CTNNA3: variants seen among roughly 807,000 people sequenced by gnomAD.
The protein encoded by CTNNA3 is catenin alpha 3.
In CTNNA3, 76 loss-of-function variants were observed where a neutral mutation model predicts 95.7. The observed-to-expected ratio is 0.79, with a 90% CI of 0.66 to 0.96. The LOEUF (loss-of-function observed/expected upper bound fraction) is 0.96. CTNNA3 is among the 40% of genes least tolerant of loss of function. The pLI is 0.00. For synonymous variants in CTNNA3, 431 were observed against 374.4 expected (o/e 1.15, Z -1.74); for missense variants, 1,191 against 1,089.8 (o/e 1.09, Z -1.31).
Position 67,143,425 on chromosome 10 carries a change from TA to T in CTNNA3, c.1047+36891del, listed in dbSNP as rs61603392. On this transcript the variant is annotated intron_variant, in intron 7 of 17. Transcript: ENST00000433211. ...TGGGTGACTGAGCAAGGCTCTGTCT[TA>T]AAAAAAAAAAAAAAAAAAAAATTAT... Among the ~76,000 whole-genome samples, 568 of 75,978 alleles carry T rather than the reference TA, an allele frequency of 7.5e-3. 26 individuals are homozygous for T. The highest frequency in any genetic ancestry group is 0.01 in the East Asian group (31 of 2,972). 49.8% of individuals were successfully genotyped at this position (75,978 alleles called of 152,430 possible).
Position 66,069,500 on chromosome 10 carries a change from T to C in CTNNA3, c.1978-11A>G, listed in dbSNP as rs369905481. Reference sequence around the variant, plus strand: ...TTGAGTCATCTTAGCCTAAAACATGTGATAATTAGAGTTAAAATCATTCCA... The same window carrying C: ...TTGAGTCATCTTAGCCTAAAACATGCGATAATTAGAGTTAAAATCATTCCA... On this transcript the variant is annotated splice_polypyrimidine_tract_variant and intron_variant, in intron 14 of 17. Coordinates refer to ENST00000433211, the MANE Select transcript of CTNNA3 (RefSeq NM_013266.4). The C allele has an allele frequency of 5.7e-6, 9 of 1,591,968 alleles. No individual in the cohort carries two copies. The highest frequency in any genetic ancestry group is 1.1e-5 in the South Asian group (1 of 87,738).
At chr10:66,040,737 T>A (rs1371094899) in intron 15 of CTNNA3, among the ~76,000 whole-genome samples, 1 of 151,890 alleles carries the variant, frequency 6.6e-6, no homozygotes, top group African/African-American at 2.4e-5. Flanking sequence ...GGGTGGAGGT[T>A]GGGAGGAGGG....
At chr10:65,989,174 C>T (rs1057500573) in intron 15 of CTNNA3, among the ~76,000 whole-genome samples, 5 of 152,134 alleles carry the variant, frequency 3.3e-5, no homozygotes, top group Non-Finnish European at 5.9e-5. Flanking sequence ...TTATTGACCT[C>T]GTGATCCACC....
At chr10:66,967,270 C>G (rs939475627) in intron 7 of CTNNA3, among the ~76,000 whole-genome samples, 1 of 151,422 alleles carries the variant, frequency 6.6e-6, no homozygotes, top group Non-Finnish European at 1.5e-5. Context: ...TATATAAGCC[C>G]AGGTCATCTG....
At chr10:66,682,354 T>A (rs1186633334) in intron 9 of CTNNA3, among the ~76,000 whole-genome samples, 2 of 151,958 alleles carry the variant, frequency 1.3e-5, no homozygotes, top group Non-Finnish European at 2.9e-5. Flanking sequence ...AAGGTAAAAA[T>A]TAAAAGAAAA....
intron 2 of CTNNA3, among the ~76,000 whole-genome samples, chr10:67,641,957 T>C (rs528084607): frequency 4.7e-4 from 71 of 152,174 alleles, no homozygotes; most frequent in Non-Finnish European, 8.4e-4. Flanking sequence ...TGTATACATA[T>C]GTAACAAACC....
At position 66,991,320 on chromosome 10, in the gene CTNNA3, A is replaced by G. The variant is rs181077368; in HGVS notation, c.1047+188997T>C. Among the ~76,000 whole-genome samples the G allele has an allele frequency of 8.9e-4, 135 of 152,320 alleles. No individual in the cohort carries two copies. The Middle Eastern group carries it at 0.02, about 23-fold the overall frequency. On this transcript the variant is annotated intron_variant, in intron 7 of 17. Transcript: ENST00000433211. ...TTCTAAGTGCCAATGTCCAGGAATT[A>G]GTTTGCTTTTCTGAAATAATATTTA...
chr10:67,308,561 C>G (rs1374142882), intron 5 of CTNNA3, among the ~76,000 whole-genome samples: 1 of 152,058 alleles, frequency 6.6e-6, no homozygotes, highest in Non-Finnish European at 1.5e-5. Flanking sequence ...TGAAAATAGA[C>G]TAATACATAC....
chr10:66,969,366 A>C (rs1340598770), intron 7 of CTNNA3, among the ~76,000 whole-genome samples: 2 of 152,106 alleles, frequency 1.3e-5, no homozygotes, highest in Non-Finnish European at 2.9e-5. Flanking sequence ...TAATGGCCTC[A>C]TATCGTTCCA....
chr10:66,447,180 A>C (rs2093428987), intron 11 of CTNNA3, among the ~76,000 whole-genome samples: 1 of 152,148 alleles, frequency 6.6e-6, no homozygotes, highest in Non-Finnish European at 1.5e-5. Flanking sequence ...AAAAGAGGAT[A>C]CAAACAAATG....
At chr10:67,710,642 G>A (rs923866935) in intron 1 of CTNNA3, among the ~76,000 whole-genome samples, 7 of 152,092 alleles carry the variant, frequency 4.6e-5, no homozygotes, top group Admixed American at 4.6e-4. Context: ...CTTGAAAATG[G>A]GCCAGAACTT....
intron 13 of CTNNA3, among the ~76,000 whole-genome samples, chr10:66,115,079 T>G (rs1397582298): frequency 6.6e-6 from 1 of 152,092 alleles, no homozygotes; most frequent in Non-Finnish European, 1.5e-5. Context: ...TGCTTAAGGT[T>G]GAACGTACCA....
At chr10:66,771,193 G>A (rs981509943) in intron 8 of CTNNA3, among the ~76,000 whole-genome samples, 1 of 152,008 alleles carries the variant, frequency 6.6e-6, no homozygotes, top group Admixed American at 6.6e-5. Flanking sequence ...AATCCCATTT[G>A]ACATACTTCA....
chr10:66,698,414 C>T (rs572487295), intron 9 of CTNNA3, among the ~76,000 whole-genome samples: 1 of 152,246 alleles, frequency 6.6e-6, no homozygotes, highest in African/African-American at 2.4e-5. Context: ...CTTATTCCTT[C>T]CATCTATCAC....
chr10:67,085,829 T>C (rs1212017828), intron 7 of CTNNA3, among the ~76,000 whole-genome samples: 1 of 151,990 alleles, frequency 6.6e-6, no homozygotes. Flanking sequence ...CTCTATTGAA[T>C]TTACAATCTA....
intron 1 of CTNNA3, among the ~76,000 whole-genome samples, chr10:67,672,860 T>C (rs1187627589): frequency 6.6e-6 from 1 of 152,190 alleles, no homozygotes; most frequent in Admixed American, 6.5e-5. Flanking sequence ...TTTGGTTCCA[T>C]ATGAACTTTA....
chr10:67,259,659 T>C (rs1403881455), intron 5 of CTNNA3, among the ~76,000 whole-genome samples: 2 of 152,204 alleles, frequency 1.3e-5, no homozygotes, highest in African/African-American at 2.4e-5. Context: ...TTCATGACTA[T>C]TTTTGCGCCA....
intron 14 of CTNNA3, among the ~76,000 whole-genome samples, chr10:66,088,521 G>A (rs955016635): frequency 1.3e-5 from 2 of 150,118 alleles, no homozygotes; most frequent in Non-Finnish European, 3.0e-5. Context: ...GTGTGTGTGT[G>A]TGTGTGTGTG....
At chr10:66,899,396 C>T (rs1845629704) in intron 7 of CTNNA3, among the ~76,000 whole-genome samples, 1 of 152,146 alleles carries the variant, frequency 6.6e-6, no homozygotes, top group Non-Finnish European at 1.5e-5. Context: ...ATGGTCGTTT[C>T]CAAGATGGCC....
Sources: allele counts gnomAD v4.1 joint callset (sites outside exome capture counted in the v4.1 genomes callset), GRCh38; gene constraint gnomAD v4.1.1; transcripts MANE v1.5; gene names NCBI Gene and HGNC (gene_info 2026-07-23, HGNC 2026-07-21).